WDR26: variants seen among roughly 807,000 people sequenced by gnomAD.
The protein encoded by WDR26 is WD repeat domain 26, also known as WD repeat-containing protein 26.
A neutral mutation model predicts 84.1 loss-of-function variants in WDR26; 5 were observed. The ratio of observed to expected loss-of-function variants is 0.06; its 90% confidence interval spans 0.03 to 0.13. The LOEUF is 0.13. Ranked by LOEUF, WDR26 falls within the 10% of genes least tolerant of loss-of-function variation. The probability of loss-of-function intolerance (pLI) is 1.00; values close to 1 mark genes in which losing one functional copy is unlikely to be tolerated. For synonymous variants in WDR26, 415 were observed against 389.6 expected (o/e 1.07, Z -0.77); for missense variants, 642 against 974.9 (o/e 0.66, Z 4.55).
intron 6 of WDR26, chr1:224,413,282 C>G: frequency 8.1e-7 from 1 of 1,236,700 alleles, no homozygotes; most frequent in Non-Finnish European, 1.0e-6. Flanking sequence ...CACGGTCTTC[C>G]TTGCTTCTTT....
At chr1:224,421,065 G>T (rs1674047857) in intron 4 of WDR26, among the ~76,000 whole-genome samples, 1 of 152,100 alleles carries the variant, frequency 6.6e-6, no homozygotes, top group African/African-American at 2.4e-5. Flanking sequence ...AGTTTTAAAT[G>T]AATTTCTGTT....
intron 9 of WDR26, among the ~76,000 whole-genome samples, chr1:224,400,606 C>T (rs183205770): frequency 4.7e-4 from 71 of 152,248 alleles, no homozygotes; most frequent in South Asian, 1.0e-3. Flanking sequence ...AGTGCAATGG[C>T]GCGATCTTGG....
intron 1 of WDR26, 100 bp from the exon 2 acceptor site, chr1:224,431,881 C>T (rs1203722478): frequency 1.1e-6 from 1 of 936,100 alleles, no homozygotes. Flanking sequence ...AGTTTTTAAG[C>T]TAGCCTCATG....
intron 3 of WDR26, among the ~76,000 whole-genome samples, chr1:224,428,479 A>G (rs2102923127): frequency 6.6e-6 from 1 of 152,328 alleles, no homozygotes; most frequent in South Asian, 2.1e-4. Flanking sequence ...TTTCTTAAGC[A>G]TATTTCCATT....
rs1156498420 is a variant in WDR26 at position 224,433,924 on chromosome 1, G to C, written c.482C>G (p.Pro161Arg). 6.5e-7 allele frequency: 1 copy of C among 1,536,258 alleles called. No individual in the cohort carries two copies. Among genetic ancestry groups the C allele is most frequent in the Non-Finnish European group, 8.7e-7 (1 of 1,146,610 alleles). Residue 161 changes from proline (P) to arginine (R), a missense_variant, in exon 1 of 14, where the codon CCT becomes CGT. By Grantham distance (103) the Pro-to-Arg change is moderately radical. Coordinates refer to ENST00000414423, the MANE Select transcript of WDR26 (RefSeq NM_001379403.1). The stretch of plus-strand genomic sequence containing the variant: ...GTTGCTGGCGGCGGAGGGGGCGGAA[G>C]GCAGGAGCCCATTGGCGTGGGCCAG...
rs1673023723 is a variant in WDR26, at chr1:224,387,827, T to C, written c.*2008A>G. ...TTAACTATACTGAGGTAAAGAGAAG[T>C]TGCCACTTAATTACATACAGTTACC... is the stretch of plus-strand genomic sequence containing the variant. On this transcript the variant is annotated 3_prime_UTR_variant, in exon 14 of 14. Coordinates refer to ENST00000414423, the MANE Select transcript of WDR26 (RefSeq NM_001379403.1). 1 of 152,612 alleles carries C rather than the reference T, an allele frequency of 6.6e-6. No homozygotes were observed. Among genetic ancestry groups the C allele is most frequent in the South Asian group, 2.1e-4 (1 of 4,832 alleles). The allele number at this position is 152,612 out of a possible 1,614,324, so 9.5% of individuals were successfully genotyped here.
rs775903632 is a variant in WDR26 at position 224,404,590 on chromosome 1, A to G, written c.1459-20T>C. ...TGTATCCTGGGAGGGAAAATAAACA[A>G]TTCAGTTAACCCCTATCACTAAAGT... On this transcript the variant is annotated intron_variant, in intron 7 of 13. Transcript: ENST00000414423. The G allele has an allele frequency of 6.2e-7, 1 of 1,605,962 alleles. No homozygotes were observed. The highest frequency in any genetic ancestry group is 8.5e-7 in the Non-Finnish European group (1 of 1,175,666).
Position 224,386,871 on chromosome 1 carries a change from T to TG in WDR26, c.*2963_*2964insC, listed in dbSNP as rs1673002628. ...GTAGCTGTTATGAAGACTAAAAAAA[T>TG]ACAAAAACCAAAGCTGAAGCTTTGT... On this transcript the variant is annotated 3_prime_UTR_variant, in exon 14 of 14. Coordinates refer to ENST00000414423, the MANE Select transcript of WDR26 (RefSeq NM_001379403.1). The TG allele has an allele frequency of 6.6e-6, 1 of 152,044 alleles. No individual in the cohort carries two copies. Among genetic ancestry groups the TG allele is most frequent in the Non-Finnish European group, 1.5e-5 (1 of 67,966 alleles). 9.4% of individuals were successfully genotyped at this position (152,044 alleles called of 1,614,324 possible).
At chr1:224,403,443 T>C (rs776354405) in intron 8 of WDR26, among the ~76,000 whole-genome samples, 10 of 152,370 alleles carry the variant, frequency 6.6e-5, no homozygotes, top group African/African-American at 1.9e-4. Flanking sequence ...TAGATCATCA[T>C]TGTCCTATTT....
chr1:224,415,453 C>CTTTTTTTTTTTTTTTTTTTTTT (rs149995544), intron 6 of WDR26, among the ~76,000 whole-genome samples: 6 of 82,350 alleles, frequency 7.3e-5, no homozygotes, highest in African/African-American at 2.9e-4. Context: ...GTATTTCTTT[C>CTTTTTTTTTTTTTTTTTTTTTT]TTTTTTTTTT....
At chr1:224,400,189 A>G (rs68037178) in intron 9 of WDR26, among the ~76,000 whole-genome samples, 27,951 of 152,138 alleles carry the variant, frequency 0.18, 2,818 homozygotes, top group Middle Eastern at 0.23. Flanking sequence ...TAGGGCAGCT[A>G]CTTATTAGAA....
At chr1:224,407,461 A>C (rs1001491452) in intron 7 of WDR26, among the ~76,000 whole-genome samples, 2 of 148,280 alleles carry the variant, frequency 1.3e-5, no homozygotes, top group African/African-American at 2.5e-5. Flanking sequence ...TCTCCATTAA[A>C]ACACACACAC....
chr1:224,410,255 T>A (rs538660472), intron 7 of WDR26, among the ~76,000 whole-genome samples: 1 of 125,948 alleles, frequency 7.9e-6, no homozygotes, highest in South Asian at 2.4e-4. Flanking sequence ...CACTCCAGCC[T>A]GGGGGACAAG....
intron 3 of WDR26, chr1:224,429,158 A>C (rs1674314174): frequency 6.6e-6 from 1 of 151,368 alleles, no homozygotes; most frequent in African/African-American, 2.4e-5. Context: ...GCTACTTCGG[A>C]GGCTGAGGCA....
chr1:224,411,206 T>C (rs556288575), intron 7 of WDR26, among the ~76,000 whole-genome samples: 2 of 152,254 alleles, frequency 1.3e-5, no homozygotes, highest in East Asian at 3.9e-4. Flanking sequence ...AGATAATGCA[T>C]ACACAGATTT....
chr1:224,394,356 A>T (rs1673202468), intron 12 of WDR26, among the ~76,000 whole-genome samples: 1 of 152,206 alleles, frequency 6.6e-6, no homozygotes, highest in Non-Finnish European at 1.5e-5. Flanking sequence ...AAGTGACAGA[A>T]AAGCAATGTA....
At chr1:224,400,070 A>G (rs11577183) in intron 9 of WDR26, among the ~76,000 whole-genome samples, 27,974 of 152,228 alleles carry the variant, frequency 0.18, 2,820 homozygotes, top group Middle Eastern at 0.23. Flanking sequence ...AGTAACAGAG[A>G]AAGTTTTATG....
intron 12 of WDR26, among the ~76,000 whole-genome samples, chr1:224,396,390 GGAA>G (rs1673261217): frequency 6.6e-6 from 1 of 152,074 alleles, no homozygotes; most frequent in African/African-American, 2.4e-5. Context: ...AATAGACCAT[GGAA>G]GAAGACATCT....
chr1:224,424,037 CCT>C (rs1474847805), intron 4 of WDR26, among the ~76,000 whole-genome samples: 1 of 127,006 alleles, frequency 7.9e-6, no homozygotes, highest in African/African-American at 2.5e-5. Context: ...ACTGTAAGAC[CCT>C]GTCTCTACCC....
Sources: allele counts gnomAD v4.1 joint callset (sites outside exome capture counted in the v4.1 genomes callset), GRCh38; gene constraint gnomAD v4.1.1; transcripts MANE v1.5; gene names NCBI Gene and HGNC (gene_info 2026-07-23, HGNC 2026-07-21).